The following TAFA1 variants were observed in gnomAD, a reference collection of about 807,000 sequenced individuals.
The protein encoded by TAFA1 is chemokine-like protein TAFA-1.
TAFA1 carries 4 observed loss-of-function variants against 18.5 expected under a neutral mutation model. That is an observed-to-expected ratio of 0.22 (90% confidence interval 0.11 to 0.49). TAFA1 has a LOEUF of 0.49. Ranked by LOEUF, TAFA1 falls within the 20% of genes least tolerant of loss-of-function variation. The pLI is 0.98. For missense variants in TAFA1, 147 were observed against 169.0 expected, an observed-to-expected ratio of 0.87 and a Z score of 0.72; for synonymous variants, 56 against 55.2, an observed-to-expected ratio of 1.01 and a Z score of -0.06.
chr3:68,041,191 T>C (rs9881594), intron 2 of TAFA1, among the ~76,000 whole-genome samples: 97,665 of 152,140 alleles, frequency 0.64, 31,561 homozygotes, highest in East Asian at 0.77. Context: ...GTTGCTCTTC[T>C]TCCACCTTGT....
chr3:68,293,649 C>T (rs747556238), intron 2 of TAFA1, among the ~76,000 whole-genome samples: 23 of 152,284 alleles, frequency 1.5e-4, no homozygotes, highest in Admixed American at 2.6e-4. Flanking sequence ...AGCATGGTGC[C>T]TGGCACATGT....
chr3:68,334,741 T>C (rs2068942409), intron 2 of TAFA1, among the ~76,000 whole-genome samples: 1 of 152,136 alleles, frequency 6.6e-6, no homozygotes, highest in African/African-American at 2.4e-5. Context: ...TCATGTTACA[T>C]GTCTGAGGCA....
intron 2 of TAFA1, chr3:68,145,660 C>G (rs2065730444): frequency 9.9e-7 from 1 of 1,007,592 alleles, no homozygotes; most frequent in Admixed American, 1.7e-5. Flanking sequence ...CAAGATTCAT[C>G]TTCAGAATCC....
At chr3:68,182,918 AAT>A (rs926364934) in intron 2 of TAFA1, among the ~76,000 whole-genome samples, 2 of 152,186 alleles carry the variant, frequency 1.3e-5, no homozygotes, top group Non-Finnish European at 2.9e-5. Flanking sequence ...AATAAAAAGA[AAT>A]ATAATTTGTG....
At chr3:68,075,022 A>G (rs1172768875) in intron 2 of TAFA1, among the ~76,000 whole-genome samples, 1 of 152,216 alleles carries the variant, frequency 6.6e-6, no homozygotes, top group Admixed American at 6.5e-5. Flanking sequence ...TTGGTTTTCA[A>G]GACTGAGGAC....
intron 2 of TAFA1, among the ~76,000 whole-genome samples, chr3:68,143,728 T>C (rs990528292): frequency 5.3e-5 from 8 of 152,130 alleles, no homozygotes; most frequent in Admixed American, 3.3e-4. Context: ...AGAGTAACAG[T>C]AGTTGTTTTA....
intron 2 of TAFA1, among the ~76,000 whole-genome samples, chr3:68,345,969 T>A (rs1465054733): frequency 6.6e-6 from 1 of 152,086 alleles, no homozygotes; most frequent in Non-Finnish European, 1.5e-5. Flanking sequence ...AAACTAACAG[T>A]CTGCTTAGAA....
intron 2 of TAFA1, among the ~76,000 whole-genome samples, chr3:68,196,581 G>A (rs1384217960): frequency 1.3e-5 from 2 of 151,566 alleles, no homozygotes; most frequent in Non-Finnish European, 3.0e-5. Flanking sequence ...TTGCATATAG[G>A]GAGAAAAATG....
At chr3:68,000,248 G>T (rs1308050597), upstream of TAFA1, among the ~76,000 whole-genome samples, 1 of 152,208 alleles carries the variant, frequency 6.6e-6, no homozygotes, top group African/African-American at 2.4e-5. Flanking sequence ...AGATGCAGCA[G>T]TGACCAATAT....
intron 2 of TAFA1, among the ~76,000 whole-genome samples, chr3:68,281,749 C>T (rs1251964046): frequency 2.0e-5 from 3 of 152,036 alleles, no homozygotes; most frequent in Non-Finnish European, 2.9e-5. Context: ...TGAGCCACCG[C>T]GCCTGGTCCC....
chr3:68,430,688 T>G (rs2071153125), intron 3 of TAFA1, among the ~76,000 whole-genome samples: 2 of 151,892 alleles, frequency 1.3e-5, no homozygotes, highest in Admixed American at 6.6e-5. Flanking sequence ...CAAGTCAAAT[T>G]GTCTTTTTGA....
At chr3:68,223,240 A>C (rs770965017) in intron 2 of TAFA1, among the ~76,000 whole-genome samples, 68 of 152,212 alleles carry the variant, frequency 4.5e-4, no homozygotes, top group Non-Finnish European at 8.2e-4. Context: ...CGCTTATTAA[A>C]CTTCTCAATA....
chr3:68,034,868 T>A (rs940893195), intron 2 of TAFA1, among the ~76,000 whole-genome samples: 1 of 152,174 alleles, frequency 6.6e-6, no homozygotes, highest in Non-Finnish European at 1.5e-5. Context: ...AATTTCACAT[T>A]CCAAACCAGA....
At chr3:68,386,896 A>C (rs1371351066) in intron 2 of TAFA1, among the ~76,000 whole-genome samples, 1 of 152,064 alleles carries the variant, frequency 6.6e-6, no homozygotes, top group Admixed American at 6.6e-5. Flanking sequence ...TTCCCATGAG[A>C]TCAATTTGCA....
intron 3 of TAFA1, among the ~76,000 whole-genome samples, chr3:68,505,690 G>T (rs2072736872): frequency 6.6e-6 from 1 of 152,022 alleles, no homozygotes; most frequent in African/African-American, 2.4e-5. Flanking sequence ...CTGGCTGCCA[G>T]ATGGAGCCTG....
intron 2 of TAFA1, among the ~76,000 whole-genome samples, chr3:68,396,898 G>A (rs76593466): frequency 0.039 from 5,932 of 152,092 alleles, 145 homozygotes; most frequent in Middle Eastern, 0.075. Context: ...GAATTTTAAG[G>A]TCCACTATGA....
intron 2 of TAFA1, among the ~76,000 whole-genome samples, chr3:68,021,076 C>T (rs1392747427): frequency 6.7e-6 from 1 of 150,010 alleles, no homozygotes; most frequent in African/African-American, 2.4e-5. Context: ...ATCCCAGCTA[C>T]TCGGAAGGCT....
intron 2 of TAFA1, among the ~76,000 whole-genome samples, chr3:68,363,889 T>C (rs2069519125): frequency 6.6e-6 from 1 of 152,096 alleles, no homozygotes; most frequent in Non-Finnish European, 1.5e-5. Flanking sequence ...CGAACATAAG[T>C]TTTTACCCAT....
chr3:68,126,804 CA>C (rs1360624094), intron 2 of TAFA1, among the ~76,000 whole-genome samples: 1 of 152,154 alleles, frequency 6.6e-6, no homozygotes, highest in Non-Finnish European at 1.5e-5. Flanking sequence ...AACAACACAA[CA>C]GGCCTCCTAG....
Sources: allele counts gnomAD v4.1 joint callset (sites outside exome capture counted in the v4.1 genomes callset), GRCh38; gene constraint gnomAD v4.1.1; transcripts MANE v1.5; gene names NCBI Gene and HGNC (gene_info 2026-07-23, HGNC 2026-07-21).